The following PTPRG variants were observed in gnomAD, a reference collection of about 807,000 sequenced individuals.
PTPRG encodes the protein receptor-type tyrosine-protein phosphatase gamma.
In PTPRG, 102 loss-of-function variants were observed where a neutral mutation model predicts 165.3. That is an observed-to-expected ratio of 0.62 (90% CI 0.53 to 0.73). The LOEUF (loss-of-function observed/expected upper bound fraction) is 0.73. Ranked by LOEUF, PTPRG falls within the 30% of genes least tolerant of loss-of-function variation. PTPRG has a pLI of 0.00. For synonymous variants in PTPRG, 675 were observed against 669.5 expected (o/e 1.01, Z -0.13); for missense variants, 1,866 against 1,861.4 (o/e 1.00, Z -0.05).
At chr3:62,186,567 C>CCTTTTTTTTTTTTTTTTTTTTTTTTTT (rs1705895088) in intron 8 of PTPRG, among the ~76,000 whole-genome samples, 6 of 117,538 alleles carry the variant, frequency 5.1e-5, no homozygotes, top group African/African-American at 1.0e-4. Context: ...TTTTCTTTTC[C>CCTTTTTTTTTTTTTTTTTTTTTTTTTT]TTTTTTTTTT....
At chr3:62,101,256 T>G (rs113026470) in intron 5 of PTPRG, among the ~76,000 whole-genome samples, 2,147 of 152,240 alleles carry the variant, frequency 0.014, 52 homozygotes, top group African/African-American at 0.048. Flanking sequence ...AGCAATTCTA[T>G]TGCATCACGA....
intron 2 of PTPRG, among the ~76,000 whole-genome samples, chr3:61,872,480 G>A (rs182453780): frequency 1.8e-4 from 28 of 152,272 alleles, no homozygotes; most frequent in African/African-American, 6.5e-4. Context: ...TTGTCTGGCC[G>A]AACTCCAAAT....
rs577877615 is a variant in PTPRG at position 61,923,680 on chromosome 3, T to C, written c.191-65945T>C. 2.8e-5 allele frequency among the ~76,000 whole-genome samples: 4 copies of C among 145,100 alleles called. No individual in the cohort carries two copies. The East Asian group carries it at 8.1e-4, about 29-fold the overall frequency. On this transcript the variant is annotated intron_variant, in intron 2 of 29. Coordinates refer to ENST00000474889, the MANE Select transcript of PTPRG (RefSeq NM_002841.4). ...CACCTATGAGCACCACCATGTCCAG[T>C]TTATTTTTTGTATTTTTTTTTTTTT...
intron 1 of PTPRG, among the ~76,000 whole-genome samples, chr3:61,614,395 T>C (rs2106880441): frequency 6.7e-6 from 1 of 149,966 alleles, no homozygotes. Flanking sequence ...TTGGGTATAA[T>C]AATAATTTGA....
At chr3:61,723,094 C>T (rs980558893) in intron 1 of PTPRG, among the ~76,000 whole-genome samples, 7 of 151,946 alleles carry the variant, frequency 4.6e-5, no homozygotes, top group Non-Finnish European at 7.4e-5. Context: ...GATTTCCTGT[C>T]TCCTTTATTT....
At chr3:61,783,145 A>G (rs151218487) in intron 2 of PTPRG, among the ~76,000 whole-genome samples, 1 of 152,242 alleles carries the variant, frequency 6.6e-6, no homozygotes, top group Admixed American at 6.5e-5. Flanking sequence ...CACTTTTTAA[A>G]ATATATTTCA....
intron 5 of PTPRG, among the ~76,000 whole-genome samples, chr3:62,106,221 A>G (rs954739346): frequency 6.6e-6 from 1 of 152,188 alleles, no homozygotes; most frequent in Non-Finnish European, 1.5e-5. Flanking sequence ...AGAAGAACCT[A>G]GAGAAGGTTG....
At chr3:62,117,713 T>C (rs1364213182) in intron 5 of PTPRG, among the ~76,000 whole-genome samples, 2 of 152,216 alleles carry the variant, frequency 1.3e-5, no homozygotes, top group Non-Finnish European at 2.9e-5. Context: ...ATTAATACTA[T>C]ATCTACTAAT....
At chr3:61,618,499 T>G (rs1211845635) in intron 1 of PTPRG, among the ~76,000 whole-genome samples, 1 of 152,190 alleles carries the variant, frequency 6.6e-6, no homozygotes, top group Non-Finnish European at 1.5e-5. Context: ...TAATTGCAGA[T>G]GGCAATTGAG....
chr3:62,279,754 G>C (rs1016418875), intron 26 of PTPRG, among the ~76,000 whole-genome samples: 2 of 152,042 alleles, frequency 1.3e-5, no homozygotes, highest in Admixed American at 1.3e-4. Context: ...ACTTGAAAGG[G>C]TGATAAGTCT....
At chr3:61,863,965 G>C (rs558307318) in intron 2 of PTPRG, among the ~76,000 whole-genome samples, 1 of 152,164 alleles carries the variant, frequency 6.6e-6, no homozygotes, top group Non-Finnish European at 1.5e-5. Flanking sequence ...AGTTCATGCT[G>C]GTTGAGGAGA....
intron 2 of PTPRG, among the ~76,000 whole-genome samples, chr3:61,953,531 G>A (rs1483394958): frequency 1.3e-5 from 2 of 152,144 alleles, no homozygotes; most frequent in Non-Finnish European, 2.9e-5. Context: ...AGTAAATTAA[G>A]GTTGTATATT....
chr3:61,813,350 A>G (rs1265906847), intron 2 of PTPRG, among the ~76,000 whole-genome samples: 1 of 143,632 alleles, frequency 7.0e-6, no homozygotes, highest in African/African-American at 2.6e-5. Flanking sequence ...AAAAAAATAG[A>G]AAAAAAATAG....
intron 2 of PTPRG, among the ~76,000 whole-genome samples, chr3:61,800,826 T>C (rs2035206893): frequency 6.6e-6 from 1 of 151,920 alleles, no homozygotes; most frequent in Non-Finnish European, 1.5e-5. Context: ...GTACTTTTAG[T>C]AGAGATAGGG....
chr3:62,267,855 C>T (rs900084907), intron 19 of PTPRG, 36 bp downstream of exon 19: 47 of 1,599,408 alleles, frequency 2.9e-5, no homozygotes, highest in Non-Finnish European at 4.0e-5. Context: ...TAATAATGCA[C>T]CTTCATTCAA....
chr3:61,613,631 A>C (rs948486607), intron 1 of PTPRG, among the ~76,000 whole-genome samples: 8 of 152,234 alleles, frequency 5.3e-5, no homozygotes, highest in Admixed American at 2.6e-4. Context: ...TATGAAGGCA[A>C]GCTATGAAAT....
chr3:62,115,559 T>C (rs1299664394), intron 5 of PTPRG, among the ~76,000 whole-genome samples: 1 of 152,058 alleles, frequency 6.6e-6, no homozygotes, highest in Non-Finnish European at 1.5e-5. Context: ...AAATCAATAT[T>C]ATTAATTTCT....
At position 62,203,618 on chromosome 3, in the gene PTPRG, A is replaced by G. The variant is rs1285444177; in HGVS notation, c.1823A>G (p.Lys608Arg). Residue 608 changes from lysine (K) to arginine (R), a missense_variant, in exon 12 of 30, where the codon AAG (lysine) becomes AGG (arginine). This residue lies in a region of PTPRG where 1,452 missense variants were observed against 1,463.0 expected (regional missense o/e 0.99). Transcript: ENST00000474889. The surrounding 1 kb of genome is among the most constrained non-coding windows in gnomAD (Gnocchi z 6.4). ...GAGAAGGACTCCGAAAAGAAGGAGAAGAGTGGGGTGACCCACGCTGCCGAG... is the reference window on the plus strand; with the variant it reads ...GAGAAGGACTCCGAAAAGAAGGAGAGGAGTGGGGTGACCCACGCTGCCGAG... ...DGEKDSEKKE[K>R]SGVTHAAEER... 6.4e-7 allele frequency: 1 copy of G among 1,554,190 alleles called. No individual in the cohort carries two copies. Among genetic ancestry groups the G allele is most frequent in the South Asian group, 1.2e-5 (1 of 84,286 alleles).
At chr3:61,659,849 G>A (rs545292183) in intron 1 of PTPRG, among the ~76,000 whole-genome samples, 4 of 152,154 alleles carry the variant, frequency 2.6e-5, no homozygotes, top group Non-Finnish European at 5.9e-5. Flanking sequence ...TAGAAGAAAT[G>A]AATGGTTTTT....
Sources: gnomAD v4.1 joint callset for allele counts (sites outside exome capture counted in the v4.1 genomes callset) on GRCh38, gnomAD v4.1.1 for gene constraint, gnomAD v4.1.1 regional missense constraint, Gnocchi (gnomAD v3.1) non-coding constraint, MANE v1.5 for transcripts, NCBI Gene and HGNC (gene_info 2026-07-23, HGNC 2026-07-21) for gene names.